Variants in MS4A4E observed in about 807,000 individuals in gnomAD.
The protein encoded by MS4A4E is putative membrane-spanning 4-domains subfamily A member 4E.
In MS4A4E, 23 loss-of-function variants were observed where a neutral mutation model predicts 13.3. The ratio of observed to expected loss-of-function variants is 1.73; its 90% CI spans 1.25 to 2.45. MS4A4E has a LOEUF of 2.45. Ranked by LOEUF, MS4A4E falls within the 30% of genes most tolerant of loss-of-function variation. MS4A4E has a pLI of 0.00. For missense variants in MS4A4E, 144 were observed against 131.2 expected (o/e 1.10, Z -0.48); for synonymous variants, 36 against 45.6 (o/e 0.79, Z 0.85).
intron 3 of MS4A4E, among the ~76,000 whole-genome samples, chr11:60,217,335 C>A (rs748408765): frequency 1.6e-4 from 24 of 152,132 alleles, no homozygotes; most frequent in Non-Finnish European, 2.9e-4. Context: ...AAGAATGGGA[C>A]CCTGCAACTT....
At chr11:60,220,414 C>G (rs1349942004) in intron 3 of MS4A4E, among the ~76,000 whole-genome samples, 1 of 152,190 alleles carries the variant, frequency 6.6e-6, no homozygotes, top group Non-Finnish European at 1.5e-5. Context: ...CCACCAGAAG[C>G]AATTTACCTT....
At chr11:60,204,375 T>C (rs1590701546) in intron 8 of MS4A4E, among the ~76,000 whole-genome samples, 1 of 95,100 alleles carries the variant, frequency 1.1e-5, no homozygotes, top group East Asian at 2.8e-4. Context: ...GATCCTTCAC[T>C]TGGCGCTTCT....
intron 6 of MS4A4E, among the ~76,000 whole-genome samples, chr11:60,207,917 C>G (rs534001384): frequency 6.6e-6 from 1 of 152,308 alleles, no homozygotes; most frequent in Admixed American, 6.5e-5. Context: ...GAGATCATGA[C>G]ATTCCTTCCG....
At chr11:60,219,313 G>C (rs1004012936) in intron 3 of MS4A4E, among the ~76,000 whole-genome samples, 3 of 152,212 alleles carry the variant, frequency 2.0e-5, no homozygotes, top group African/African-American at 7.2e-5. Context: ...TCTAGAGACA[G>C]CAGGGGCCAA....
intron 3 of MS4A4E, chr11:60,225,241 A>G: frequency 1.4e-6 from 1 of 715,194 alleles, no homozygotes; most frequent in South Asian, 3.7e-5. Flanking sequence ...TTTTTCACAT[A>G]AAGAACCATG....
chr11:60,213,026 C>T lies in MS4A4E; in HGVS notation c.329G>A (p.Cys110Tyr). Residue 110 changes from cysteine to tyrosine, a missense_variant, in exon 5 of 9, where the codon TGT becomes TAT. Transcript: ENST00000651255. Reference protein sequence around the residue: ...LTFYSFRYHYCNHDQLSSNCY... With the variant: ...LTFYSFRYHYYNHDQLSSNCY... ...ATTACTTGACAACTGATCGTGGTTACAGTAATGGTAACGGAATGAATAAAA... is the reference window on the plus strand; with the variant it reads ...ATTACTTGACAACTGATCGTGGTTATAGTAATGGTAACGGAATGAATAAAA... 1 of 424,786 alleles carries T rather than the reference C, an allele frequency of 2.4e-6. No individual in the cohort carries two copies. The highest frequency in any genetic ancestry group is 4.2e-6 in the Non-Finnish European group (1 of 240,684). The allele number at this position is 424,786 out of a possible 1,614,324, so 26.3% of individuals were successfully genotyped here.
chr11:60,237,951 T>C (rs72920867), intron 1 of MS4A4E, among the ~76,000 whole-genome samples: 47,207 of 151,666 alleles, frequency 0.31, 8,745 homozygotes, highest in South Asian at 0.51. Flanking sequence ...CTTTTTGCGG[T>C]TTTTGTCTTT....
intron 3 of MS4A4E, among the ~76,000 whole-genome samples, chr11:60,226,637 T>C (rs554264714): frequency 4.9e-4 from 74 of 152,232 alleles, no homozygotes; most frequent in African/African-American, 1.7e-3. Context: ...GGATAACTTG[T>C]TTAGGTTGAT....
At chr11:60,214,349 A>G (rs547887548) in intron 4 of MS4A4E, among the ~76,000 whole-genome samples, 105 of 152,272 alleles carry the variant, frequency 6.9e-4, no homozygotes, top group African/African-American at 2.5e-3. Flanking sequence ...CCATATCTTC[A>G]TAAAGATTCC....
rs544478880 is a variant in MS4A4E, at chr11:60,200,995, G to A, written c.*548C>T. Reference sequence around the variant, plus strand: ...TGAACCCCCCACCTCCCTCCCGGACGGGGCGGCTGGCCGGGCAGAGGGCTG... The same window carrying A: ...TGAACCCCCCACCTCCCTCCCGGACAGGGCGGCTGGCCGGGCAGAGGGCTG... On this transcript the variant is annotated 3_prime_UTR_variant, in exon 9 of 9. Coordinates refer to ENST00000651255, the MANE Select transcript of MS4A4E (RefSeq NM_001393391.1). Among the ~76,000 whole-genome samples the A allele has an allele frequency of 2.7e-4, 40 of 147,158 alleles. 1 individual carries two copies. The highest frequency in any genetic ancestry group is 9.5e-4 in the African/African-American group (37 of 39,112).
At chr11:60,217,025 T>C (rs1360275560) in intron 3 of MS4A4E, among the ~76,000 whole-genome samples, 1 of 152,158 alleles carries the variant, frequency 6.6e-6, no homozygotes, top group Non-Finnish European at 1.5e-5. Flanking sequence ...GGAGATGATC[T>C]AGAAAAACAG....
At position 60,201,525 on chromosome 11, in the gene MS4A4E, A is replaced by T. The variant is rs554044517; in HGVS notation, c.*18T>A. 4.3e-4 allele frequency: 120 copies of T among 278,930 alleles called. No homozygotes were observed. The highest frequency in any genetic ancestry group is 2.5e-3 in the African/African-American group (100 of 40,554). 17.3% of individuals were successfully genotyped at this position (278,930 alleles called of 1,614,324 possible). On this transcript the variant is annotated 3_prime_UTR_variant, in exon 9 of 9. Coordinates refer to ENST00000651255, the MANE Select transcript of MS4A4E (RefSeq NM_001393391.1). ...CACATCCCAGACAGGGCGGTGGGGC[A>T]AAGGCGCTCCCCACATCTCAGAAGA... is the stretch of plus-strand genomic sequence containing the variant.
At chr11:60,225,359 G>T (rs2084328038) in intron 3 of MS4A4E, among the ~76,000 whole-genome samples, 1 of 152,068 alleles carries the variant, frequency 6.6e-6, no homozygotes, top group Non-Finnish European at 1.5e-5. Flanking sequence ...CTGATACCTA[G>T]GATGCTACTT....
chr11:60,217,411 C>G (rs997741741), intron 3 of MS4A4E, among the ~76,000 whole-genome samples: 2 of 149,308 alleles, frequency 1.3e-5, no homozygotes, highest in African/African-American at 5.0e-5. Context: ...CTCTCAGGAG[C>G]CTTTTTTTTG....
At position 60,200,686 on chromosome 11, in the gene MS4A4E, ACTT is replaced by A. The variant is rs1321342914; in HGVS notation, c.*854_*856del. On this transcript the variant is annotated 3_prime_UTR_variant, in exon 9 of 9. Transcript: ENST00000651255. ...ACAAAATGAAAAGTCTCCCATGTCT[ACTT>A]CTTTCCACACAGACAAGGCAACCAT... 6.6e-6 allele frequency among the ~76,000 whole-genome samples: 1 copy of A among 152,332 alleles called. No homozygotes were observed. The highest frequency in any genetic ancestry group is 2.4e-5 in the African/African-American group (1 of 41,580).
At chr11:60,206,278 C>A (rs7102207) in intron 6 of MS4A4E, among the ~76,000 whole-genome samples, 2,040 of 151,626 alleles carry the variant, frequency 0.013, 47 homozygotes, top group African/African-American at 0.046. Context: ...CTTCTGCTTC[C>A]AAATCTTATT....
chr11:60,237,798 C>G (rs951319975), intron 1 of MS4A4E, among the ~76,000 whole-genome samples: 1 of 152,002 alleles, frequency 6.6e-6, no homozygotes, highest in African/African-American at 2.4e-5. Flanking sequence ...ATCCTTCAAG[C>G]TTGCTTAACT....
chr11:60,206,512 T>TATATGTATATATATATACAC (rs141037502), intron 6 of MS4A4E, among the ~76,000 whole-genome samples: 1 of 98,352 alleles, frequency 1.0e-5, no homozygotes, highest in African/African-American at 4.8e-5. Context: ...TATATATATA[T>TATATGTATATATATATACAC]ACACACACAC....
Position 60,243,059 on chromosome 11 carries a change from T to G in MS4A4E, c.-118A>C. 9.4e-7 allele frequency: 1 copy of G among 1,061,600 alleles called. No homozygotes were observed. Among genetic ancestry groups the G allele is most frequent in the African/African-American group, 1.6e-5 (1 of 61,776 alleles). 65.8% of individuals were successfully genotyped at this position (1,061,600 alleles called of 1,614,324 possible). On this transcript the variant is annotated 5_prime_UTR_variant, in exon 1 of 9. Transcript: ENST00000651255. ...TCCAGACACAGTCAGCTTCCCCCAC[T>G]CCACACCTCACTCAGTTTAAATCTG... is the stretch of plus-strand genomic sequence containing the variant.
Sources: allele counts gnomAD v4.1 joint callset (sites outside exome capture counted in the v4.1 genomes callset), GRCh38; gene constraint gnomAD v4.1.1; transcripts MANE v1.5; gene names NCBI Gene and HGNC (gene_info 2026-07-23, HGNC 2026-07-21).